The following NAV2 variants were observed in gnomAD, a reference collection of about 807,000 sequenced individuals.
NAV2 encodes the protein neuron navigator 2.
Under a neutral mutation model 223.2 loss-of-function variants are expected in NAV2, and 54 were observed. That is an observed-to-expected ratio of 0.24 (90% CI 0.19 to 0.30). The LOEUF (loss-of-function observed/expected upper bound fraction) is 0.30. NAV2 is among the 10% of genes least tolerant of loss of function. The probability of loss-of-function intolerance (pLI) is 1.00; values close to 1 mark genes in which losing one functional copy is unlikely to be tolerated. For missense variants in NAV2, 2,806 were observed against 3,147.5 expected, an observed-to-expected ratio of 0.89 and a Z score of 2.60; for synonymous variants, 1,279 against 1,239.3, an observed-to-expected ratio of 1.03 and a Z score of -0.67.
intron 11 of NAV2, among the ~76,000 whole-genome samples, chr11:20,015,971 C>T (rs1002013293): frequency 2.0e-5 from 3 of 152,196 alleles, no homozygotes; most frequent in Admixed American, 6.5e-5. Context: ...TGGCTCCAGT[C>T]TGTCGCTTGG....
At chr11:20,083,476 G>A (rs766143680) in intron 26 of NAV2, among the ~76,000 whole-genome samples, 4 of 152,178 alleles carry the variant, frequency 2.6e-5, no homozygotes, top group Non-Finnish European at 5.9e-5. Flanking sequence ...AATGGTTTTT[G>A]TGTACGTATC....
rs148904315 is a variant in NAV2, at chr11:19,687,728, GATGTGTGTAC to G, written c.76-144747_76-144738del. Among the ~76,000 whole-genome samples, 1,758 of 152,090 alleles carry G rather than the reference GATGTGTGTAC, an allele frequency of 0.012. 95 individuals are homozygous for G. The East Asian group carries it at 0.17, about 15-fold the overall frequency. ...ATGGCTGCAGGTTCCAGAGAAAAGG[GATGTGTGTAC>G]ATGTGTGTGTGCACATCTGTGTACA... On this transcript the variant is annotated intron_variant, in intron 1 of 37. Transcript: ENST00000360655.
intron 27 of NAV2, among the ~76,000 whole-genome samples, chr11:20,091,727 T>C (rs2060865804): frequency 6.6e-6 from 1 of 152,054 alleles, no homozygotes; most frequent in African/African-American, 2.4e-5. Flanking sequence ...AGTCAGTGTT[T>C]CACAAAGGAG....
At chr11:19,718,946 C>T (rs569415412) in intron 1 of NAV2, among the ~76,000 whole-genome samples, 126 of 152,262 alleles carry the variant, frequency 8.3e-4, no homozygotes, top group African/African-American at 3.0e-3. Context: ...GGAGGAGTTA[C>T]GGCCCAAATT....
At chr11:19,865,019 G>T (rs1315855795) in intron 3 of NAV2, among the ~76,000 whole-genome samples, 2 of 152,082 alleles carry the variant, frequency 1.3e-5, no homozygotes, top group Non-Finnish European at 2.9e-5. Flanking sequence ...CCAGTCCCCA[G>T]CCCCCTTCAA....
intron 1 of NAV2, among the ~76,000 whole-genome samples, chr11:19,442,791 A>G (rs1374426402): frequency 6.6e-6 from 1 of 152,214 alleles, no homozygotes; most frequent in East Asian, 1.9e-4. Flanking sequence ...ACAATAGGCT[A>G]TATAAAAAGT....
intron 3 of NAV2, among the ~76,000 whole-genome samples, chr11:19,846,561 G>A (rs907041663): frequency 6.6e-6 from 1 of 152,192 alleles, no homozygotes; most frequent in African/African-American, 2.4e-5. Context: ...AACACAACCC[G>A]GTTGGAAACG....
chr11:19,779,591 A>T (rs1039591957), intron 1 of NAV2, among the ~76,000 whole-genome samples: 4 of 152,202 alleles, frequency 2.6e-5, no homozygotes, highest in African/African-American at 4.8e-5. Flanking sequence ...CTTGCCACTT[A>T]CTAATCCCTG....
At chr11:19,351,507 C>A (rs761902390) in intron 1 of NAV2, among the ~76,000 whole-genome samples, 4 of 152,138 alleles carry the variant, frequency 2.6e-5, no homozygotes, top group Non-Finnish European at 4.4e-5. Context: ...AATGTCACAG[C>A]CATTTAAAAT....
At chr11:19,357,690 G>A (rs1853699370) in intron 1 of NAV2, among the ~76,000 whole-genome samples, 1 of 152,146 alleles carries the variant, frequency 6.6e-6, no homozygotes, top group Non-Finnish European at 1.5e-5. Context: ...GTTTAAACTT[G>A]TGTTATGCAC....
intron 1 of NAV2, among the ~76,000 whole-genome samples, chr11:19,725,938 G>A (rs1184076198): frequency 6.6e-6 from 1 of 152,206 alleles, no homozygotes; most frequent in Non-Finnish European, 1.5e-5. Context: ...GAGGAAGCAG[G>A]CCATGGGCGA....
intron 1 of NAV2, among the ~76,000 whole-genome samples, chr11:19,375,100 T>C (rs2133884681): frequency 6.6e-6 from 1 of 152,258 alleles, no homozygotes; most frequent in East Asian, 1.9e-4. Context: ...CTTATACTTC[T>C]GTGTTCCTTC....
intron 1 of NAV2, among the ~76,000 whole-genome samples, chr11:19,658,449 G>A (rs1178972715): frequency 6.6e-6 from 1 of 152,106 alleles, no homozygotes; most frequent in African/African-American, 2.4e-5. Flanking sequence ...GGAAGGCAGG[G>A]GAACTAAAAT....
At chr11:19,704,155 G>C (rs975236894) in intron 1 of NAV2, among the ~76,000 whole-genome samples, 3 of 152,078 alleles carry the variant, frequency 2.0e-5, no homozygotes, top group Non-Finnish European at 4.4e-5. Flanking sequence ...CTGTCTCAGA[G>C]CACGAACATC....
chr11:20,005,180 A>C (rs978767383), intron 11 of NAV2, among the ~76,000 whole-genome samples: 3 of 151,864 alleles, frequency 2.0e-5, no homozygotes, highest in African/African-American at 7.3e-5. Flanking sequence ...CACACGATAG[A>C]AGTTCAATAA....
intron 1 of NAV2, among the ~76,000 whole-genome samples, chr11:19,531,393 G>A (rs1346619402): frequency 1.3e-5 from 2 of 152,232 alleles, no homozygotes; most frequent in African/African-American, 4.8e-5. Flanking sequence ...AGTCAAAGAA[G>A]CAGGGGGCCA....
intron 1 of NAV2, among the ~76,000 whole-genome samples, chr11:19,398,308 G>A (rs1239204483): frequency 6.6e-6 from 1 of 152,116 alleles, no homozygotes; most frequent in African/African-American, 2.4e-5. Flanking sequence ...ACTCACTATT[G>A]CTAGGAGAGC....
intron 1 of NAV2, among the ~76,000 whole-genome samples, chr11:19,644,779 G>T (rs2047769544): frequency 6.6e-6 from 1 of 152,222 alleles, no homozygotes; most frequent in Non-Finnish European, 1.5e-5. Flanking sequence ...GATGAGATCT[G>T]AAAATCAGGA....
intron 1 of NAV2, among the ~76,000 whole-genome samples, chr11:19,422,990 A>G (rs1175896131): frequency 6.6e-6 from 1 of 152,252 alleles, no homozygotes; most frequent in East Asian, 1.9e-4. Flanking sequence ...TGGTCAAGTT[A>G]CTTAACCCTT....
Sources: allele counts gnomAD v4.1 joint callset (sites outside exome capture counted in the v4.1 genomes callset), GRCh38; gene constraint gnomAD v4.1.1; transcripts MANE v1.5; gene names NCBI Gene and HGNC (gene_info 2026-07-23, HGNC 2026-07-21).